Variants in FCHSD2 observed in about 807,000 individuals in gnomAD.
FCHSD2 encodes FCH and double SH3 domains 2.
In FCHSD2, 38 loss-of-function variants were observed where a neutral mutation model predicts 108.1. The observed-to-expected ratio is 0.35, with a 90% CI of 0.27 to 0.46. The LOEUF is 0.46. Ranked by LOEUF, FCHSD2 falls within the 20% of genes least tolerant of loss-of-function variation. FCHSD2 has a pLI of 1.00. For synonymous variants in FCHSD2, 279 were observed against 314.7 expected, an observed-to-expected ratio of 0.89 and a Z score of 1.20; for missense variants, 751 against 897.8, an observed-to-expected ratio of 0.84 and a Z score of 2.09.
rs1591360535 is a variant in FCHSD2 at position 72,873,380 on chromosome 11, A to G, written c.1147-5354T>C. On this transcript the variant is annotated intron_variant, in intron 12 of 19. Transcript: ENST00000409418. ...ATGTGCTTATTTATGGGTCATTCAT[A>G]CATCTTCTTTGGAGAAATGTCTATT... 2.6e-5 allele frequency among the ~76,000 whole-genome samples: 4 copies of G among 151,990 alleles called. No individual in the cohort carries two copies. In the South Asian group the frequency reaches 8.3e-4, roughly 31 times the overall value.
intron 2 of FCHSD2, among the ~76,000 whole-genome samples, chr11:73,107,862 G>A (rs1860382096): frequency 6.6e-6 from 1 of 152,150 alleles, no homozygotes; most frequent in Non-Finnish European, 1.5e-5. Flanking sequence ...TGGACACTCA[G>A]GTTGCTTCCA....
intron 13 of FCHSD2, among the ~76,000 whole-genome samples, chr11:72,862,042 G>C (rs1372878065): frequency 6.6e-6 from 1 of 151,872 alleles, no homozygotes; most frequent in Non-Finnish European, 1.5e-5. Flanking sequence ...CATATTAGCA[G>C]ACTAAAAAAG....
At chr11:72,889,808 A>C in intron 11 of FCHSD2, 21 bp downstream of exon 11, 1 of 1,377,460 alleles carries the variant, frequency 7.3e-7, no homozygotes, top group Non-Finnish European at 1.0e-6. Flanking sequence ...GAATGTAACT[A>C]GGACTTTCTC....
chr11:73,127,717 G>A (rs1860891724), intron 2 of FCHSD2, among the ~76,000 whole-genome samples: 1 of 152,116 alleles, frequency 6.6e-6, no homozygotes, highest in African/African-American at 2.4e-5. Context: ...ATTCAGCTAA[G>A]GGTGATTAAA....
chr11:73,044,589 A>C lies in FCHSD2; in HGVS notation c.166-28704T>G, dbSNP rs752152743. On this transcript the variant is annotated intron_variant, in intron 3 of 19. Transcript: ENST00000409418. ...GAGACCCCAGTCCCTTAAAAAAGTC[A>C]CTCATAAATCTTAATTCTATTAATC... Among the ~76,000 whole-genome samples the C allele has an allele frequency of 3.2e-4, 49 of 152,076 alleles. 1 individual carries two copies. The highest frequency in any genetic ancestry group is 1.3e-4 in the Non-Finnish European group (9 of 68,016).
intron 3 of FCHSD2, among the ~76,000 whole-genome samples, chr11:73,072,403 A>C (rs923892635): frequency 1.3e-5 from 2 of 152,176 alleles, no homozygotes; most frequent in African/African-American, 2.4e-5. Context: ...TTAAAAACTT[A>C]ATTAAATTTT....
At chr11:72,978,854 C>CTTTTTTT (rs1190277188) in intron 8 of FCHSD2, among the ~76,000 whole-genome samples, 19 of 110,876 alleles carry the variant, frequency 1.7e-4, no homozygotes, top group Non-Finnish European at 1.9e-4. Context: ...GTAGCTCTTT[C>CTTTTTTT]TTTTTTTTTT....
At chr11:72,981,978 T>A (rs943397973) in intron 8 of FCHSD2, among the ~76,000 whole-genome samples, 2 of 152,178 alleles carry the variant, frequency 1.3e-5, no homozygotes, top group African/African-American at 4.8e-5. Context: ...CGAGACCCTG[T>A]CTCAAAAACT....
chr11:73,063,854 C>T (rs189346026), intron 3 of FCHSD2, among the ~76,000 whole-genome samples: 4 of 152,178 alleles, frequency 2.6e-5, no homozygotes, highest in Non-Finnish European at 5.9e-5. Context: ...GACTTTAACA[C>T]CCCACTGTCA....
rs1861019190 is a variant in FCHSD2, at chr11:72,843,224, G to C, written c.1632C>G (p.Asp544Glu). 6.2e-7 allele frequency: 1 copy of C among 1,613,904 alleles called. No homozygotes were observed. Among genetic ancestry groups the C allele is most frequent in the Non-Finnish European group, 8.5e-7 (1 of 1,179,892 alleles). Residue 544 changes from aspartate (D) to glutamate (E), a missense_variant, in exon 16 of 20, where the codon GAC becomes GAG. Asp to Glu is a conservative substitution (Grantham distance 45, BLOSUM62 2). Transcript: ENST00000409418. The part of the protein sequence containing the change: ...LSMLQSLAAL[D>E]SRSHTSSNST... ...AATTGCTGGACGTGTGTGACCGACT[G>C]TCCAAAGCGGCCAGGGACTGCAGCA...
intron 2 of FCHSD2, among the ~76,000 whole-genome samples, chr11:73,134,055 A>T (rs532863624): frequency 6.6e-6 from 1 of 152,232 alleles, no homozygotes; most frequent in East Asian, 1.9e-4. Context: ...ATACAGTCAC[A>T]TCATGTAACT....
chr11:73,084,252 C>T (rs1176822158), intron 2 of FCHSD2, among the ~76,000 whole-genome samples: 1 of 152,120 alleles, frequency 6.6e-6, no homozygotes, highest in Non-Finnish European at 1.5e-5. Context: ...ATGAAAAATG[C>T]TCAAAATGTT....
chr11:72,909,977 G>C lies in FCHSD2; in HGVS notation c.829-7339C>G, dbSNP rs1195145138. Among the ~76,000 whole-genome samples the C allele has an allele frequency of 2.4e-4, 35 of 146,020 alleles. No homozygotes were observed. In the Admixed American group the frequency reaches 2.4e-3, roughly 10 times the overall value. ...CAGCTGCCCATTGTCTGGGAGGTGA[G>C]GAGCACCTCTGCCCGGCCGCCCCAT... On this transcript the variant is annotated intron_variant, in intron 9 of 19. Coordinates refer to ENST00000409418, the MANE Select transcript of FCHSD2 (RefSeq NM_014824.3).
At chr11:72,896,664 T>A (rs974316863) in intron 10 of FCHSD2, among the ~76,000 whole-genome samples, 23 of 149,362 alleles carry the variant, frequency 1.5e-4, no homozygotes, top group Admixed American at 1.2e-3. Context: ...AGTTGAGAGC[T>A]AGGGATCATG....
chr11:73,118,798 C>T (rs567166673), intron 2 of FCHSD2, among the ~76,000 whole-genome samples: 1 of 152,258 alleles, frequency 6.6e-6, no homozygotes, highest in South Asian at 2.1e-4. Flanking sequence ...TGAGAGACCA[C>T]TATTACCATT....
rs550771642 is a variant in FCHSD2 at position 73,053,864 on chromosome 11, T to C, written c.165+29831A>G. On this transcript the variant is annotated intron_variant, in intron 3 of 19. Transcript: ENST00000409418. ...TCTAATTGTTTTCTTTTTCCCTATG[T>C]ATGACCATTTAAATTATAGATTGAA... is the stretch of plus-strand genomic sequence containing the variant. Among the ~76,000 whole-genome samples, 345 of 152,342 alleles carry C rather than the reference T, an allele frequency of 2.3e-3. 3 individuals are homozygous for C. Among genetic ancestry groups the C allele is most frequent in the African/African-American group, 7.9e-3 (329 of 41,584 alleles).
At chr11:73,133,792 C>CAA (rs56104779) in intron 2 of FCHSD2, among the ~76,000 whole-genome samples, 7 of 65,840 alleles carry the variant, frequency 1.1e-4, no homozygotes, top group East Asian at 6.8e-4. Context: ...AACTCCGTCT[C>CAA]AAAAAAAAAA....
At chr11:72,902,261 ATGTATTGAATATTTTTCTTCTTCCCTCAG>A (rs1855542201) in intron 10 of FCHSD2, among the ~76,000 whole-genome samples, 4 of 152,296 alleles carry the variant, frequency 2.6e-5, no homozygotes, top group Admixed American at 2.0e-4. Context: ...ATTTGAGTAA[ATGTATTGAATATTTTTCTTCTTCCCTCAG>A]TTGTTTTCAG....
chr11:73,035,673 T>C (rs1858475324), intron 3 of FCHSD2, among the ~76,000 whole-genome samples: 1 of 151,582 alleles, frequency 6.6e-6, no homozygotes, highest in South Asian at 2.1e-4. Context: ...TTTTAAGTAC[T>C]GAACAGTACT....
Sources: allele counts gnomAD v4.1 joint callset (sites outside exome capture counted in the v4.1 genomes callset), GRCh38; gene constraint gnomAD v4.1.1; transcripts MANE v1.5; gene names NCBI Gene and HGNC (gene_info 2026-07-23, HGNC 2026-07-21).